UGT3A2: variants seen among roughly 807,000 people sequenced by gnomAD.
UGT3A2 encodes the protein UDP glycosyltransferase family 3 member A2.
UGT3A2 carries 32 observed loss-of-function variants against 39.8 expected under a neutral mutation model. The observed-to-expected ratio is 0.80, with a 90% CI of 0.61 to 1.08. The LOEUF is 1.08. Ranked by LOEUF, UGT3A2 falls within the 50% of genes least tolerant of loss-of-function variation. The pLI is 0.00. For missense variants in UGT3A2, 611 were observed against 637.1 expected (o/e 0.96, Z 0.44); for synonymous variants, 241 against 230.7 (o/e 1.04, Z -0.40).
intron 4 of UGT3A2, among the ~76,000 whole-genome samples, chr5:36,046,511 G>A (rs1018650082): frequency 1.9e-4 from 29 of 152,164 alleles, no homozygotes; most frequent in African/African-American, 6.8e-4. Context: ...AGCCAGACAC[G>A]GAAAGACAAA....
At chr5:36,064,493 T>A in intron 1 of UGT3A2, 143 bp from the exon 2 acceptor site, 2 of 745,634 alleles carry the variant, frequency 2.7e-6, no homozygotes, top group Middle Eastern at 2.5e-4. Context: ...TCTCCTCATG[T>A]CCCTCTGGGT....
intron 3 of UGT3A2, among the ~76,000 whole-genome samples, chr5:36,050,885 T>C (rs969143537): frequency 6.7e-6 from 1 of 150,298 alleles, no homozygotes; most frequent in African/African-American, 2.4e-5. Flanking sequence ...GCCAGTAATG[T>C]AGTAAGAATG....
intron 4 of UGT3A2, among the ~76,000 whole-genome samples, chr5:36,041,240 A>G (rs568198395): frequency 4.2e-4 from 64 of 152,268 alleles, no homozygotes; most frequent in African/African-American, 1.4e-3. Flanking sequence ...GTAGATCCCT[A>G]CAATTCCCAA....
Position 36,049,094 on chromosome 5 carries a change from C to T in UGT3A2, c.638G>A (p.Arg213Lys). Residue 213 changes from arginine (R) to lysine (K), a missense_variant, in exon 4 of 7, where the codon AGG becomes AAG. Transcript: ENST00000282507. ...NFLMFFSFCR[R>K]QQHMQSTFDN... ...AAATGTAGACTGCATGTGCTGTTGC[C>T]TCCTGCAGAAACTAAAGAACATCAG... is the stretch of plus-strand genomic sequence containing the variant. 1 of 1,614,180 alleles carries T rather than the reference C, an allele frequency of 6.2e-7. No homozygotes were observed.
Position 36,035,802 on chromosome 5 carries a change from C to T in UGT3A2, c.1468G>A (p.Val490Met). 1 of 1,614,122 alleles carries T rather than the reference C, an allele frequency of 6.2e-7. No homozygotes were observed. The highest frequency in any genetic ancestry group is 1.1e-5 in the South Asian group (1 of 91,074). ...WHEQYLLDVF[V>M]FLLGLTLGTL... ...CCCAGAGTGAGCCCCAGCAGAAACA[C>T]AAAAACGTCGAGCAGGTACTGCTCA... Residue 490 changes from valine to methionine, a missense_variant, in exon 7 of 7, where the codon GTG (valine) becomes ATG (methionine). By Grantham distance (21) the Val-to-Met change is conservative. Coordinates refer to ENST00000282507, the MANE Select transcript of UGT3A2 (RefSeq NM_174914.4).
In UGT3A2 at chr5:36,051,863, C is replaced by A; in HGVS notation, c.311+7G>T. On this transcript the variant is annotated splice_region_variant and intron_variant, in intron 3 of 6. Coordinates refer to ENST00000282507, the MANE Select transcript of UGT3A2 (RefSeq NM_174914.4). ...CCTTTTTGTTCAAAGAATAAAAAAA[C>A]AATTACCTGCCACCTAAAGTTTCTT... 1 of 1,572,422 alleles carries A rather than the reference C, an allele frequency of 6.4e-7. No homozygotes were observed. The highest frequency in any genetic ancestry group is 8.6e-7 in the Non-Finnish European group (1 of 1,164,986).
intron 4 of UGT3A2, among the ~76,000 whole-genome samples, chr5:36,040,903 G>A (rs887199306): frequency 2.6e-5 from 4 of 152,292 alleles, no homozygotes; most frequent in Admixed American, 6.5e-5. Context: ...CTTCCTCCAG[G>A]AGAGGAGAGG....
rs773523583 is a variant in UGT3A2 at position 36,064,272 on chromosome 5, T to C, written c.173A>G (p.His58Arg). The C allele has an allele frequency of 6.2e-7, 1 of 1,614,164 alleles. No individual in the cohort carries two copies. Among genetic ancestry groups the C allele is most frequent in the Non-Finnish European group, 8.5e-7 (1 of 1,180,014 alleles). ...ACCTGGCATAAAAGGACCTCTTTTG[T>C]GGTTAAGCATGGTGACATTATGACC... is the stretch of plus-strand genomic sequence containing the variant. ...DHGHNVTMLN[H>R]KRGPFMPDFK... The change falls in exon 2 of 7, where the codon CAC (histidine) becomes CGC (arginine). Residue 58 changes from histidine (H) to arginine (R), a missense_variant. His to Arg is a conservative substitution (Grantham distance 29, BLOSUM62 0). Coordinates refer to ENST00000282507, the MANE Select transcript of UGT3A2 (RefSeq NM_174914.4).
intron 1 of UGT3A2, among the ~76,000 whole-genome samples, chr5:36,064,793 C>A (rs542506812): frequency 6.6e-6 from 1 of 152,276 alleles, no homozygotes; most frequent in South Asian, 2.1e-4. Context: ...TGGGATCCTG[C>A]TCTTTGGACA....
rs764350849 is a variant in UGT3A2 at position 36,037,780 on chromosome 5, C to G, written c.1295+17G>C. On this transcript the variant is annotated intron_variant, in intron 6 of 6. Coordinates refer to ENST00000282507, the MANE Select transcript of UGT3A2 (RefSeq NM_174914.4). The stretch of plus-strand genomic sequence containing the variant: ...CTTCATTCGTCATTATGACCACAAC[C>G]CCAAGGAGCTGCATACCTCTTGTCT... 2.2e-5 allele frequency: 36 copies of G among 1,613,942 alleles called. No individual in the cohort carries two copies. The highest frequency in any genetic ancestry group is 3.1e-5 in the Non-Finnish European group (36 of 1,179,868).
chr5:36,043,853 A>C (rs1742085525), intron 4 of UGT3A2, among the ~76,000 whole-genome samples: 4 of 152,126 alleles, frequency 2.6e-5, no homozygotes, highest in Non-Finnish European at 5.9e-5. Context: ...ACGAGACTAA[A>C]GTTGTAATAA....
intron 2 of UGT3A2, among the ~76,000 whole-genome samples, chr5:36,054,455 T>A (rs572310532): frequency 4.6e-5 from 7 of 152,246 alleles, no homozygotes; most frequent in South Asian, 2.1e-4. Flanking sequence ...TATTATCAAT[T>A]CAAAGTGAAA....
At chr5:36,037,156 C>T (rs1741855922) in intron 6 of UGT3A2, among the ~76,000 whole-genome samples, 1 of 152,164 alleles carries the variant, frequency 6.6e-6, no homozygotes, top group Admixed American at 6.5e-5. Context: ...ATCCCAGCTA[C>T]TCGGGAGGCT....
chr5:36,040,612 G>C (rs1350519465), intron 4 of UGT3A2, among the ~76,000 whole-genome samples: 1 of 152,212 alleles, frequency 6.6e-6, no homozygotes, highest in African/African-American at 2.4e-5. Flanking sequence ...ACACAGGGAA[G>C]AATTCAGCTG....
At chr5:36,050,819 G>A (rs1480663359) in intron 3 of UGT3A2, among the ~76,000 whole-genome samples, 1 of 150,178 alleles carries the variant, frequency 6.7e-6, no homozygotes, top group African/African-American at 2.5e-5. Context: ...CTGAGATCGC[G>A]CCATTGCACT....
chr5:36,058,802 C>T (rs189637175), intron 2 of UGT3A2, among the ~76,000 whole-genome samples: 8 of 152,236 alleles, frequency 5.3e-5, no homozygotes, highest in East Asian at 3.9e-4. Context: ...CATTCAGTCT[C>T]GTAATGACGG....
intron 6 of UGT3A2, among the ~76,000 whole-genome samples, chr5:36,036,587 A>C (rs1022677705): frequency 2.6e-5 from 4 of 152,234 alleles, no homozygotes; most frequent in Non-Finnish European, 4.4e-5. Context: ...CAGAATGGTC[A>C]TTTTGGGTCT....
intron 2 of UGT3A2, among the ~76,000 whole-genome samples, chr5:36,062,842 C>T (rs1462867475): frequency 1.3e-5 from 2 of 152,164 alleles, no homozygotes; most frequent in African/African-American, 4.8e-5. Context: ...GAGTTCGAGA[C>T]TAGCCTGGCC....
intron 6 of UGT3A2, among the ~76,000 whole-genome samples, chr5:36,037,028 G>A (rs2111684901): frequency 6.6e-6 from 1 of 152,262 alleles, no homozygotes; most frequent in East Asian, 1.9e-4. Flanking sequence ...TAAGAAGATA[G>A]CAGAAAACAA....
Sources: allele counts gnomAD v4.1 joint callset (sites outside exome capture counted in the v4.1 genomes callset), GRCh38; gene constraint gnomAD v4.1.1; transcripts MANE v1.5; gene names NCBI Gene and HGNC (gene_info 2026-07-23, HGNC 2026-07-21).